Variants in KCNIP1 observed in about 807,000 individuals in gnomAD.
The protein encoded by KCNIP1 is potassium voltage-gated channel interacting protein 1.
Under a neutral mutation model 33.0 loss-of-function variants are expected in KCNIP1, and 18 were observed. The ratio of observed to expected loss-of-function variants is 0.55; its 90% confidence interval spans 0.38 to 0.81. The LOEUF (loss-of-function observed/expected upper bound fraction) is 0.81. Ranked by LOEUF, KCNIP1 falls within the 30% of genes least tolerant of loss-of-function variation. The probability of loss-of-function intolerance (pLI) is 0.00; values close to 1 mark genes in which losing one functional copy is unlikely to be tolerated. For missense variants in KCNIP1, 238 were observed against 271.6 expected (o/e 0.88, Z 0.87); for synonymous variants, 93 against 98.3 (o/e 0.95, Z 0.32).
chr5:170,536,138 A>T (rs1020948951), intron 1 of KCNIP1, among the ~76,000 whole-genome samples: 1 of 152,234 alleles, frequency 6.6e-6, no homozygotes, highest in African/African-American at 2.4e-5. Context: ...ATCAATGGAG[A>T]TGACGAAACC....
chr5:170,623,506 C>T (rs1359531955), intron 1 of KCNIP1, among the ~76,000 whole-genome samples: 1 of 152,110 alleles, frequency 6.6e-6, no homozygotes, highest in African/African-American at 2.4e-5. Context: ...GCCACCACGA[C>T]CTGCCCGGGG....
At chr5:170,495,581 G>T (rs944341747) in intron 1 of KCNIP1, among the ~76,000 whole-genome samples, 1 of 152,198 alleles carries the variant, frequency 6.6e-6, no homozygotes, top group African/African-American at 2.4e-5. Context: ...TGCCAAACAG[G>T]CCACCAACCC....
At chr5:170,711,389 C>A (rs1288253232) in intron 1 of KCNIP1, among the ~76,000 whole-genome samples, 2 of 152,192 alleles carry the variant, frequency 1.3e-5, no homozygotes, top group African/African-American at 4.8e-5. Context: ...CCTGGCACAC[C>A]AGAGCATGTC....
chr5:170,657,689 A>G lies in KCNIP1; in HGVS notation c.62-61069A>G, dbSNP rs182197998. Among the ~76,000 whole-genome samples the G allele has an allele frequency of 3.3e-5, 5 of 152,300 alleles. No homozygotes were observed. In the East Asian group the frequency reaches 9.6e-4, roughly 29 times the overall value. ...TAAGTTTTTGGTTAAAAAGAGTGAG[A>G]CAGACTTTGGCGCTAGTGCAAAACA... On this transcript the variant is annotated intron_variant, in intron 1 of 7. Coordinates refer to ENST00000328939, the MANE Select transcript of KCNIP1 (RefSeq NM_014592.4).
chr5:170,640,765 C>T (rs1760512435), intron 1 of KCNIP1, among the ~76,000 whole-genome samples: 1 of 152,120 alleles, frequency 6.6e-6, no homozygotes, highest in East Asian at 1.9e-4. Context: ...TGCCCGAGTC[C>T]CCAACACGCC....
intron 1 of KCNIP1, among the ~76,000 whole-genome samples, chr5:170,674,158 A>T (rs1476789972): frequency 1.4e-5 from 1 of 70,678 alleles, no homozygotes; most frequent in South Asian, 8.9e-4. Context: ...GAAGGAAGGA[A>T]GGAAGGAAGG....
chr5:170,554,136 T>TG (rs983252663), intron 1 of KCNIP1, among the ~76,000 whole-genome samples: 1 of 150,948 alleles, frequency 6.6e-6, no homozygotes, highest in African/African-American at 2.4e-5. Flanking sequence ...CATGCAAAGT[T>TG]TTTTTTTTTA....
At chr5:170,394,301 G>A (rs1214564809) in intron 1 of KCNIP1, among the ~76,000 whole-genome samples, 2 of 152,076 alleles carry the variant, frequency 1.3e-5, no homozygotes, top group African/African-American at 4.8e-5. Flanking sequence ...CACTTCCTCC[G>A]CCTGTAATTT....
chr5:170,379,160 G>C (rs1764136606), intron 1 of KCNIP1, among the ~76,000 whole-genome samples: 1 of 152,194 alleles, frequency 6.6e-6, no homozygotes, highest in Non-Finnish European at 1.5e-5. Context: ...TTTGTGTCTT[G>C]TGTGTGGATG....
chr5:170,672,782 A>G (rs1341020650), intron 1 of KCNIP1, among the ~76,000 whole-genome samples: 1 of 152,242 alleles, frequency 6.6e-6, no homozygotes, highest in Non-Finnish European at 1.5e-5. Flanking sequence ...GGAGGATTTG[A>G]TTGCAAACAG....
At chr5:170,354,073 A>T (rs532279493) in intron 1 of KCNIP1, 1 of 1,043,366 alleles carries the variant, frequency 9.6e-7, no homozygotes, top group South Asian at 1.4e-5. Context: ...GTCTTGGAAA[A>T]AGCTGGGGAA....
intron 1 of KCNIP1, among the ~76,000 whole-genome samples, chr5:170,458,974 C>T (rs890841470): frequency 6.6e-6 from 1 of 152,082 alleles, no homozygotes; most frequent in African/African-American, 2.4e-5. Context: ...ACTCACCTAA[C>T]ACATAAGGAC....
chr5:170,656,858 C>G (rs563900723), intron 1 of KCNIP1, among the ~76,000 whole-genome samples: 1 of 152,324 alleles, frequency 6.6e-6, no homozygotes, highest in East Asian at 1.9e-4. Flanking sequence ...GTCAGCAAGG[C>G]CCTTGGCTCC....
intron 1 of KCNIP1, among the ~76,000 whole-genome samples, chr5:170,654,708 A>G (rs17650276): frequency 0.38 from 57,183 of 152,016 alleles, 10,980 homozygotes; most frequent in East Asian, 0.5. Context: ...TAGGTTAGCC[A>G]TTTGTTGGCA....
At chr5:170,458,787 A>C (rs367881588) in intron 1 of KCNIP1, among the ~76,000 whole-genome samples, 85 of 152,292 alleles carry the variant, frequency 5.6e-4, no homozygotes, top group African/African-American at 2.0e-3. Flanking sequence ...ACAAAAATAC[A>C]ATTAAGACAA....
At chr5:170,693,496 G>C (rs142388204) in intron 1 of KCNIP1, among the ~76,000 whole-genome samples, 3 of 152,170 alleles carry the variant, frequency 2.0e-5, no homozygotes, top group African/African-American at 7.2e-5. Context: ...CAGAAGGCAG[G>C]TGAAGAACGT....
At chr5:170,665,649 C>G (rs141520404) in intron 1 of KCNIP1, among the ~76,000 whole-genome samples, 1 of 152,334 alleles carries the variant, frequency 6.6e-6, no homozygotes, top group African/African-American at 2.4e-5. Flanking sequence ...ATACTTAACT[C>G]AGACTTCCTT....
intron 1 of KCNIP1, among the ~76,000 whole-genome samples, chr5:170,631,509 G>A (rs545825656): frequency 1.9e-4 from 29 of 152,238 alleles, no homozygotes; most frequent in African/African-American, 7.0e-4. Flanking sequence ...AGAGCAGGAG[G>A]CAAAAGAAAC....
intron 1 of KCNIP1, among the ~76,000 whole-genome samples, chr5:170,618,169 C>T (rs59270100): frequency 0.037 from 5,666 of 152,066 alleles, 364 homozygotes; most frequent in African/African-American, 0.13. Flanking sequence ...AACATCCGGG[C>T]GTAATCACAG....
Sources: allele counts gnomAD v4.1 joint callset (sites outside exome capture counted in the v4.1 genomes callset), GRCh38; gene constraint gnomAD v4.1.1; transcripts MANE v1.5; gene names NCBI Gene and HGNC (gene_info 2026-07-23, HGNC 2026-07-21).